Variants in PPP2R2B observed in about 807,000 individuals in gnomAD.
The protein encoded by PPP2R2B is serine/threonine-protein phosphatase 2A 55 kDa regulatory subunit B beta isoform.
PPP2R2B carries 5 observed loss-of-function variants against 46.0 expected under a neutral mutation model. The ratio of observed to expected loss-of-function variants is 0.11; its 90% CI spans 0.06 to 0.23. The LOEUF is 0.23. Ranked by LOEUF, PPP2R2B falls within the 10% of genes least tolerant of loss-of-function variation. The pLI is 1.00. For synonymous variants in PPP2R2B, 215 were observed against 206.7 expected (o/e 1.04, Z -0.34); for missense variants, 367 against 575.0 (o/e 0.64, Z 3.70).
At chr5:146,901,869 G>A (rs1313128244) in intron 1 of PPP2R2B, among the ~76,000 whole-genome samples, 2 of 152,182 alleles carry the variant, frequency 1.3e-5, no homozygotes, top group East Asian at 3.8e-4. Context: ...ACCTCAAGAT[G>A]GGAAAATGCT....
intron 1 of PPP2R2B, among the ~76,000 whole-genome samples, chr5:146,961,150 A>G (rs1352176996): frequency 6.6e-6 from 1 of 152,228 alleles, no homozygotes; most frequent in African/African-American, 2.4e-5. Flanking sequence ...TTTTTAAAGC[A>G]CACAGAGTAT....
chr5:147,027,290 A>G (rs1279456333), intron 1 of PPP2R2B, among the ~76,000 whole-genome samples: 1 of 152,122 alleles, frequency 6.6e-6, no homozygotes, highest in Non-Finnish European at 1.5e-5. Flanking sequence ...ATACCACTGC[A>G]TTGTTCATCT....
intron 2 of PPP2R2B, among the ~76,000 whole-genome samples, chr5:147,073,103 G>A (rs980153121): frequency 1.3e-5 from 2 of 152,184 alleles, no homozygotes; most frequent in African/African-American, 4.8e-5. Flanking sequence ...TGGCCTCATC[G>A]TCCAGCCCAG....
At chr5:146,695,289 T>A (rs1034770904) in intron 4 of PPP2R2B, among the ~76,000 whole-genome samples, 70 of 152,002 alleles carry the variant, frequency 4.6e-4, no homozygotes, top group African/African-American at 1.6e-3. Context: ...TTTTCTATAT[T>A]TTTTTTTCCA....
intron 1 of PPP2R2B, among the ~76,000 whole-genome samples, chr5:146,943,387 G>A (rs569675270): frequency 2.6e-5 from 4 of 152,258 alleles, no homozygotes; most frequent in African/African-American, 9.6e-5. Flanking sequence ...ATAATGTTGA[G>A]CCATGGTAAT....
intron 1 of PPP2R2B, among the ~76,000 whole-genome samples, chr5:146,962,979 T>G (rs1405165502): frequency 6.6e-6 from 1 of 152,202 alleles, no homozygotes; most frequent in Non-Finnish European, 1.5e-5. Context: ...TGGAGCTGAA[T>G]AGAGAACACA....
chr5:146,980,377 C>A (rs888189111), intron 1 of PPP2R2B, among the ~76,000 whole-genome samples: 2 of 152,132 alleles, frequency 1.3e-5, no homozygotes, highest in South Asian at 2.1e-4. Context: ...GCTTCAGATT[C>A]TTTTTAATAC....
chr5:146,641,531 A>C (rs1775218811), intron 6 of PPP2R2B, among the ~76,000 whole-genome samples: 1 of 81,112 alleles, frequency 1.2e-5, no homozygotes, highest in African/African-American at 5.4e-5. Context: ...TTTTTTTTTG[A>C]AGCAGAATTT....
chr5:147,078,924 CA>C (rs1373298412), intron 2 of PPP2R2B, among the ~76,000 whole-genome samples: 1 of 151,946 alleles, frequency 6.6e-6, no homozygotes, highest in African/African-American at 2.4e-5. Flanking sequence ...GAATCATGGC[CA>C]AGATTTAAAA....
chr5:146,932,625 T>C (rs749029478), intron 1 of PPP2R2B, among the ~76,000 whole-genome samples: 5 of 152,172 alleles, frequency 3.3e-5, no homozygotes, highest in Non-Finnish European at 7.4e-5. Context: ...AAATTATATT[T>C]CCTTTACAAA....
chr5:146,786,641 G>A (rs1755856765), intron 2 of PPP2R2B, among the ~76,000 whole-genome samples: 1 of 152,042 alleles, frequency 6.6e-6, no homozygotes, highest in African/African-American at 2.4e-5. Flanking sequence ...AACCCTTTTA[G>A]TCCTTTGCCC....
At chr5:146,857,861 A>G (rs763249954) in intron 2 of PPP2R2B, among the ~76,000 whole-genome samples, 81 of 152,184 alleles carry the variant, frequency 5.3e-4, no homozygotes, top group Admixed American at 1.3e-3. Context: ...CTAACTTTGT[A>G]TTTTTAGTAG....
At chr5:146,992,133 A>G (rs1447482534) in intron 1 of PPP2R2B, among the ~76,000 whole-genome samples, 4 of 152,228 alleles carry the variant, frequency 2.6e-5, no homozygotes, top group Non-Finnish European at 2.9e-5. Flanking sequence ...ACTTAAAGTT[A>G]TAGTAATCAA....
intron 1 of PPP2R2B, among the ~76,000 whole-genome samples, chr5:147,046,571 A>G (rs1561597555): frequency 6.6e-6 from 1 of 152,220 alleles, no homozygotes; most frequent in Non-Finnish European, 1.5e-5. Context: ...GCCTTGGGGC[A>G]CAAGAACCAA....
rs1763058582 is a variant in PPP2R2B at position 146,908,046 on chromosome 5, T to C, written c.79+147619A>G. ...TGAGCATACCCACAGCCACGTTCTT[T>C]ACATTAATTCTCACGTTTTGTCTTC... On this transcript the variant is annotated intron_variant, in intron 1 of 8. Coordinates refer to the PPP2R2B transcript ENST00000336640. Among the ~76,000 whole-genome samples, 4 of 152,346 alleles carry C rather than the reference T, an allele frequency of 2.6e-5. No homozygotes were observed. In the South Asian group the frequency reaches 8.3e-4, roughly 32 times the overall value.
intron 2 of PPP2R2B, among the ~76,000 whole-genome samples, chr5:146,861,652 A>T (rs1327949127): frequency 2.0e-5 from 3 of 152,198 alleles, no homozygotes; most frequent in Admixed American, 6.5e-5. Flanking sequence ...ATTTATTTAA[A>T]ACTGTCATAC....
chr5:146,843,500 G>A (rs1759794907), intron 2 of PPP2R2B, among the ~76,000 whole-genome samples: 1 of 152,182 alleles, frequency 6.6e-6, no homozygotes, highest in South Asian at 2.1e-4. Context: ...TGCTAAAATA[G>A]GGGATTTGTA....
At chr5:146,980,734 G>A (rs1333025772) in intron 1 of PPP2R2B, among the ~76,000 whole-genome samples, 1 of 152,078 alleles carries the variant, frequency 6.6e-6, no homozygotes, top group Non-Finnish European at 1.5e-5. Context: ...TGTAATTTGA[G>A]GCTATATGTT....
At chr5:146,956,918 G>A (rs1751940470) in intron 1 of PPP2R2B, among the ~76,000 whole-genome samples, 1 of 152,096 alleles carries the variant, frequency 6.6e-6, no homozygotes, top group African/African-American at 2.4e-5. Context: ...CATTTATTAG[G>A]ATTCTATCTT....
Sources: allele counts gnomAD v4.1 joint callset (sites outside exome capture counted in the v4.1 genomes callset), GRCh38; gene constraint gnomAD v4.1.1; transcripts MANE v1.5; gene names NCBI Gene and HGNC (gene_info 2026-07-23, HGNC 2026-07-21).